Variants in PCDH15 observed in about 807,000 individuals in gnomAD.
The protein encoded by PCDH15 is protocadherin related 15.
In PCDH15, 129 loss-of-function variants were observed where a neutral mutation model predicts 178.5. The observed-to-expected ratio is 0.72, with a 90% CI of 0.63 to 0.84. The LOEUF (loss-of-function observed/expected upper bound fraction) is 0.84. Ranked by LOEUF, PCDH15 falls within the 40% of genes least tolerant of loss-of-function variation. The pLI is 0.00. For synonymous variants in PCDH15, 800 were observed against 732.0 expected (o/e 1.09, Z -1.50); for missense variants, 2,230 against 2,099.9 (o/e 1.06, Z -1.21).
chr10:53,998,787 C>T (rs767416272), intron 20 of PCDH15, among the ~76,000 whole-genome samples: 5 of 151,748 alleles, frequency 3.3e-5, no homozygotes, highest in Admixed American at 2.0e-4. Flanking sequence ...CACGGTGGCT[C>T]GCATCTGTAA....
chr10:55,211,392 G>T (rs1340402249), intron 1 of PCDH15, among the ~76,000 whole-genome samples: 2 of 152,096 alleles, frequency 1.3e-5, no homozygotes, highest in African/African-American at 4.8e-5. Context: ...CTTAAATTCT[G>T]TTGAAATGTA....
intron 1 of PCDH15, among the ~76,000 whole-genome samples, chr10:55,172,569 T>C (rs1164906570): frequency 6.6e-6 from 1 of 152,004 alleles, no homozygotes; most frequent in Non-Finnish European, 1.5e-5. Context: ...ATTTTGAAAT[T>C]TAAAAGGCCT....
chr10:54,788,839 A>T (rs1951132340), intron 1 of PCDH15, among the ~76,000 whole-genome samples: 1 of 151,830 alleles, frequency 6.6e-6, no homozygotes, highest in South Asian at 2.1e-4. Flanking sequence ...GTAAGATTGC[A>T]GTAGAGAAAG....
chr10:54,202,707 G>A (rs1018815955), intron 10 of PCDH15, among the ~76,000 whole-genome samples: 12 of 151,432 alleles, frequency 7.9e-5, no homozygotes, highest in African/African-American at 2.7e-4. Flanking sequence ...AGCTACTCGG[G>A]AGGCTGAGGC....
intron 2 of PCDH15, among the ~76,000 whole-genome samples, chr10:55,400,090 A>G (rs564811514): frequency 1.3e-5 from 2 of 152,126 alleles, no homozygotes; most frequent in South Asian, 4.1e-4. Context: ...AATATTTCTG[A>G]TTTTCTTGTT....
rs1290312497 is a variant in PCDH15 at position 54,290,727 on chromosome 10, A to G, written c.876+26544T>C. Among the ~76,000 whole-genome samples the G allele has an allele frequency of 2.0e-5, 3 of 152,198 alleles. No homozygotes were observed. The East Asian group carries it at 5.8e-4, about 29-fold the overall frequency. On this transcript the variant is annotated intron_variant, in intron 8 of 37. Transcript: ENST00000644397. Reference sequence around the variant, plus strand: ...TCTACCAAACAAATGGAAAGCTAAAAAAAGCAGGGGTTGCAATCTTAGTCT... The same window carrying G: ...TCTACCAAACAAATGGAAAGCTAAAGAAAGCAGGGGTTGCAATCTTAGTCT...
In PCDH15 at chr10:54,369,635, A is replaced by G. The variant is rs973589027; in HGVS notation, c.319-360T>C. Among the ~76,000 whole-genome samples, 13 of 151,994 alleles carry G rather than the reference A, an allele frequency of 8.6e-5. 1 individual carries two copies. In the East Asian group the frequency reaches 1.4e-3, roughly 16 times the overall value. ...ATTTGAAGAAAGTGTTAATTAATAA[A>G]TTCCTGGAGAAGAGAGATTGTTTAA... On this transcript the variant is annotated intron_variant, in intron 4 of 37. Transcript: ENST00000644397.
chr10:54,710,207 A>G (rs974130486), intron 1 of PCDH15, among the ~76,000 whole-genome samples: 3 of 151,938 alleles, frequency 2.0e-5, no homozygotes, highest in African/African-American at 7.2e-5. Flanking sequence ...AGTCCCACTC[A>G]AGTGGACGAT....
intron 3 of PCDH15, among the ~76,000 whole-genome samples, chr10:54,485,521 G>T (rs187078352): frequency 6.6e-6 from 1 of 152,046 alleles, no homozygotes; most frequent in East Asian, 1.9e-4. Flanking sequence ...CCTTCTGGAA[G>T]GACCTTCATC....
intron 2 of PCDH15, among the ~76,000 whole-genome samples, chr10:55,037,346 G>A (rs1016926373): frequency 1.3e-5 from 2 of 151,966 alleles, no homozygotes; most frequent in African/African-American, 4.8e-5. Flanking sequence ...TGATTCTCCT[G>A]CCTCAGCCTC....
chr10:54,050,221 A>C (rs1228626685), intron 18 of PCDH15, among the ~76,000 whole-genome samples: 1 of 152,106 alleles, frequency 6.6e-6, no homozygotes, highest in Non-Finnish European at 1.5e-5. Context: ...ATTTTTCATT[A>C]CTAATTTAAT....
chr10:54,371,105 A>G (rs1392770762), intron 4 of PCDH15, among the ~76,000 whole-genome samples: 2 of 151,894 alleles, frequency 1.3e-5, no homozygotes, highest in Non-Finnish European at 2.9e-5. Context: ...GTATAAATAC[A>G]TTTAATGACA....
chr10:55,579,811 T>G (rs538331981), intron 2 of PCDH15, among the ~76,000 whole-genome samples: 3 of 151,840 alleles, frequency 2.0e-5, no homozygotes, highest in African/African-American at 4.8e-5. Context: ...GATTTTTTGG[T>G]TTTTTTGTTT....
At chr10:54,487,434 C>A (rs1565399764) in intron 3 of PCDH15, among the ~76,000 whole-genome samples, 1 of 152,024 alleles carries the variant, frequency 6.6e-6, no homozygotes, top group East Asian at 1.9e-4. Flanking sequence ...AAAGCCCTGA[C>A]TTCACCACTA....
intron 2 of PCDH15, among the ~76,000 whole-genome samples, chr10:55,341,820 T>A (rs1343353038): frequency 2.8e-3 from 280 of 99,018 alleles, no homozygotes; most frequent in South Asian, 4.7e-3. Flanking sequence ...TTTTTTTTTT[T>A]TTTTTTTTTT....
chr10:54,308,786 C>T (rs961237473), intron 8 of PCDH15, among the ~76,000 whole-genome samples: 2 of 151,798 alleles, frequency 1.3e-5, no homozygotes, highest in Non-Finnish European at 2.9e-5. Flanking sequence ...CTCCCCTATT[C>T]CCCGACCCCC....
At chr10:55,198,520 C>T (rs1483906543) in intron 1 of PCDH15, among the ~76,000 whole-genome samples, 32 of 151,968 alleles carry the variant, frequency 2.1e-4, no homozygotes, top group Non-Finnish European at 7.4e-5. Flanking sequence ...GGAGTCTCGC[C>T]CTGTCGCCCA....
At chr10:53,916,090 T>C (rs977306570) in intron 25 of PCDH15, among the ~76,000 whole-genome samples, 2 of 152,154 alleles carry the variant, frequency 1.3e-5, no homozygotes, top group East Asian at 3.9e-4. Flanking sequence ...TAATACCTAA[T>C]ACAATGTAAA....
At chr10:54,353,887 A>C (rs1944546618) in intron 5 of PCDH15, among the ~76,000 whole-genome samples, 1 of 152,230 alleles carries the variant, frequency 6.6e-6, no homozygotes. Context: ...AAGAATTATT[A>C]CTGTTACAGA....
Sources: gnomAD v4.1 joint callset for allele counts (sites outside exome capture counted in the v4.1 genomes callset) on GRCh38, gnomAD v4.1.1 for gene constraint, MANE v1.5 for transcripts, NCBI Gene and HGNC (gene_info 2026-07-23, HGNC 2026-07-21) for gene names.